TRPM3: variants seen among roughly 807,000 people sequenced by gnomAD.
TRPM3 encodes transient receptor potential cation channel subfamily M member 3.
In TRPM3, 77 loss-of-function variants were observed where a neutral mutation model predicts 181.2. That is an observed-to-expected ratio of 0.42 (90% CI 0.35 to 0.51). The LOEUF is 0.51. TRPM3 is among the 20% of genes least tolerant of loss of function. The probability of loss-of-function intolerance (pLI) is 0.01; values close to 1 mark genes in which losing one functional copy is unlikely to be tolerated. For missense variants in TRPM3, 1,759 were observed against 2,196.7 expected (o/e 0.80, Z 3.98); for synonymous variants, 745 against 796.4 (o/e 0.94, Z 1.09).
intron 1 of TRPM3, among the ~76,000 whole-genome samples, chr9:71,391,071 C>T (rs1035973155): frequency 4.0e-5 from 6 of 151,872 alleles, no homozygotes; most frequent in African/African-American, 1.2e-4. Context: ...AATATTTTCC[C>T]GAGTCTTGAT....
Position 71,035,679 on chromosome 9 carries a change from T to G in TRPM3, c.177+85499A>C, listed in dbSNP as rs34113558. On this transcript the variant is annotated intron_variant, in intron 1 of 25. Coordinates refer to ENST00000677713, the MANE Select transcript of TRPM3 (RefSeq NM_001366145.2). The stretch of plus-strand genomic sequence containing the variant: ...TTGCAGTGAGCCGATATTGTGCCAA[T>G]GCACTCCAGCCTGGGTGATAGAGCA... Among the ~76,000 whole-genome samples, 875 of 152,268 alleles carry G rather than the reference T, an allele frequency of 5.7e-3. 1 individual carries two copies. The highest frequency in any genetic ancestry group is 9.5e-3 in the Non-Finnish European group (645 of 68,026).
chr9:70,953,883 A>T (rs2097033245), intron 1 of TRPM3, among the ~76,000 whole-genome samples: 1 of 152,210 alleles, frequency 6.6e-6, no homozygotes, highest in Non-Finnish European at 1.5e-5. Flanking sequence ...ACAGGCTGTC[A>T]TCCAGTGCCA....
At chr9:70,554,022 G>T (rs1388699662) in intron 22 of TRPM3, among the ~76,000 whole-genome samples, 1 of 150,650 alleles carries the variant, frequency 6.6e-6, no homozygotes, top group African/African-American at 2.4e-5. Flanking sequence ...GCTTTTCAGG[G>T]CACAGGAAAC....
chr9:71,097,922 T>A lies in TRPM3; in HGVS notation c.177+23256A>T, dbSNP rs181544454. Among the ~76,000 whole-genome samples, 4 of 152,236 alleles carry A rather than the reference T, an allele frequency of 2.6e-5. No individual in the cohort carries two copies. In the East Asian group the frequency reaches 5.8e-4, roughly 22 times the overall value. ...CATGTGGAAAGGACAGGATCTATGA[T>A]TAAATCTGTCCAGCAAGGGAAAGAT... On this transcript the variant is annotated intron_variant, in intron 1 of 25. Transcript: ENST00000677713.
chr9:70,984,005 G>A (rs558176082), intron 1 of TRPM3, among the ~76,000 whole-genome samples: 8 of 152,088 alleles, frequency 5.3e-5, no homozygotes, highest in Non-Finnish European at 8.8e-5. Flanking sequence ...TGTATATTCA[G>A]TTTCTCAGCT....
rs148121440 is a variant in TRPM3, at chr9:70,585,417, C to T, written c.3223+5614G>A. Among the ~76,000 whole-genome samples the T allele has an allele frequency of 7.3e-3, 1,112 of 152,246 alleles. 14 individuals are homozygous for T. The highest frequency in any genetic ancestry group is 0.025 in the African/African-American group (1,037 of 41,534). The stretch of plus-strand genomic sequence containing the variant: ...TGATCCCTAAATCTCTATCTCCTGT[C>T]CAGCTTCTACTAAGCTCCAGAGTTC... On this transcript the variant is annotated intron_variant, in intron 22 of 25. Transcript: ENST00000677713.
chr9:70,845,276 G>A (rs540116647), intron 4 of TRPM3, among the ~76,000 whole-genome samples: 14 of 152,232 alleles, frequency 9.2e-5, no homozygotes, highest in African/African-American at 3.4e-4. Flanking sequence ...TTTTGCTCTT[G>A]TTGCCCAGGC....
intron 1 of TRPM3, among the ~76,000 whole-genome samples, chr9:71,231,842 CTGAG>C (rs1211338423): frequency 6.6e-6 from 1 of 152,140 alleles, no homozygotes; most frequent in Non-Finnish European, 1.5e-5. Context: ...CGCTCACTGC[CTGAG>C]TGATGCGATC....
At chr9:70,839,749 CA>C (rs2094528365) in intron 5 of TRPM3, among the ~76,000 whole-genome samples, 1 of 151,970 alleles carries the variant, frequency 6.6e-6, no homozygotes, top group Non-Finnish European at 1.5e-5. Context: ...CAGACTTGAC[CA>C]AAGATGCAGC....
chr9:71,427,050 T>A (rs1362452451), intron 1 of TRPM3, among the ~76,000 whole-genome samples: 3 of 152,212 alleles, frequency 2.0e-5, no homozygotes, highest in Non-Finnish European at 4.4e-5. Context: ...TCCTGGTTAG[T>A]GCATTATTCA....
intron 1 of TRPM3, among the ~76,000 whole-genome samples, chr9:71,357,723 T>A (rs546647517): frequency 1.4e-5 from 1 of 72,032 alleles, no homozygotes; most frequent in African/African-American, 5.5e-5. Context: ...TCAAGTGGTA[T>A]GCTTTCCATA....
intron 7 of TRPM3, among the ~76,000 whole-genome samples, chr9:70,764,128 CCAGA>C (rs968068673): frequency 3.9e-5 from 6 of 152,078 alleles, no homozygotes; most frequent in African/African-American, 1.4e-4. Flanking sequence ...GTTTTATCCC[CCAGA>C]CAATGAAAAG....
chr9:71,389,648 C>T (rs2132937974), intron 1 of TRPM3, among the ~76,000 whole-genome samples: 1 of 152,170 alleles, frequency 6.6e-6, no homozygotes, highest in East Asian at 1.9e-4. Context: ...GAATACTACT[C>T]AGCCATAAAA....
At chr9:70,761,509 G>A (rs750874016) in intron 8 of TRPM3, 92 bp downstream of exon 8, 1 of 1,583,424 alleles carries the variant, frequency 6.3e-7, no homozygotes, top group Non-Finnish European at 8.7e-7. Context: ...GCCAGAAAGA[G>A]AGAATGTTGC....
rs1049320557 is a variant in TRPM3, at chr9:70,785,343, T to A, written c.974-1064A>T. Among the ~76,000 whole-genome samples the A allele has an allele frequency of 3.9e-5, 6 of 152,298 alleles. No individual in the cohort carries two copies. In the East Asian group the frequency reaches 9.6e-4, roughly 24 times the overall value. On this transcript the variant is annotated intron_variant, in intron 6 of 25. Coordinates refer to ENST00000677713, the MANE Select transcript of TRPM3 (RefSeq NM_001366145.2). The stretch of plus-strand genomic sequence containing the variant: ...GAGAGACATGATGACAAAGAAAAAT[T>A]CATTTTTAAGTGACATTTCAAGTAT...
chr9:71,254,316 GAA>G (rs1236254763), intron 1 of TRPM3, among the ~76,000 whole-genome samples: 1 of 152,160 alleles, frequency 6.6e-6, no homozygotes, highest in African/African-American at 2.4e-5. Flanking sequence ...ATTCATAGAC[GAA>G]AAGAGTAGAA....
chr9:71,026,754 C>A (rs986987988), intron 1 of TRPM3, among the ~76,000 whole-genome samples: 1 of 152,222 alleles, frequency 6.6e-6, no homozygotes, highest in African/African-American at 2.4e-5. Flanking sequence ...CCCTAAGCGG[C>A]CACCACTGCC....
At chr9:70,658,937 TG>T (rs1045011874) in intron 9 of TRPM3, among the ~76,000 whole-genome samples, 1 of 152,132 alleles carries the variant, frequency 6.6e-6, no homozygotes, top group Non-Finnish European at 1.5e-5. Context: ...GCTGATCATT[TG>T]TTTTTTTGTC....
chr9:71,363,722 AC>A (rs1462430084), intron 1 of TRPM3, among the ~76,000 whole-genome samples: 1 of 152,028 alleles, frequency 6.6e-6, no homozygotes, highest in African/African-American at 2.4e-5. Flanking sequence ...ATTCTTCCTG[AC>A]CCCTGGCCAG....
Sources: allele counts gnomAD v4.1 joint callset (sites outside exome capture counted in the v4.1 genomes callset), GRCh38; gene constraint gnomAD v4.1.1; transcripts MANE v1.5; gene names NCBI Gene and HGNC (gene_info 2026-07-23, HGNC 2026-07-21).